The following PCDHA1 variants were observed in gnomAD, a reference collection of about 807,000 sequenced individuals.
PCDHA1 encodes the protein protocadherin alpha 1, also known as protocadherin alpha-1.
In PCDHA1, 42 loss-of-function variants were observed where a neutral mutation model predicts 61.3. That is an observed-to-expected ratio of 0.69 (90% confidence interval 0.54 to 0.89). The LOEUF is 0.89. Ranked by LOEUF, PCDHA1 falls within the 40% of genes least tolerant of loss-of-function variation. PCDHA1 has a pLI of 0.00. For synonymous variants in PCDHA1, 610 were observed against 553.8 expected (o/e 1.10, Z -1.43); for missense variants, 1,256 against 1,235.3 (o/e 1.02, Z -0.25).
At chr5:140,926,873 C>T in intron 1 of PCDHA1, 1 of 1,525,502 alleles carries the variant, frequency 6.6e-7, no homozygotes, top group Non-Finnish European at 8.8e-7. Context: ...GTTGGTGGAA[C>T]GTGGACGCCT....
intron 1 of PCDHA1, among the ~76,000 whole-genome samples, chr5:140,827,038 T>C (rs1400929432): frequency 2.6e-5 from 4 of 152,214 alleles, no homozygotes; most frequent in African/African-American, 9.6e-5. Context: ...AAAATTTGAA[T>C]TTGGGGATTA....
intron 1 of PCDHA1, among the ~76,000 whole-genome samples, chr5:140,892,166 A>G (rs2063413664): frequency 6.6e-6 from 1 of 152,228 alleles, no homozygotes; most frequent in Admixed American, 6.5e-5. Flanking sequence ...TATGTCCAGT[A>G]ACTGGGATCC....
At chr5:140,927,915 C>T (rs200890211) in intron 1 of PCDHA1, 7 of 1,614,120 alleles carry the variant, frequency 4.3e-6, no homozygotes, top group Admixed American at 3.3e-5. Context: ...CCGAACTGGA[C>T]TTCCTGACTC....
At chr5:140,922,863 G>A (rs1429324543) in intron 1 of PCDHA1, among the ~76,000 whole-genome samples, 10 of 152,160 alleles carry the variant, frequency 6.6e-5, no homozygotes, top group Admixed American at 5.2e-4. Context: ...ACATAGACAA[G>A]GGGAAAAAAT....
At chr5:141,000,421 AT>A (rs34755515) in intron 3 of PCDHA1, among the ~76,000 whole-genome samples, 491 of 27,806 alleles carry the variant, frequency 0.018, 4 homozygotes, top group South Asian at 0.021. Flanking sequence ...ATATATATAT[AT>A]TTTTTTTTTT....
intron 1 of PCDHA1, chr5:140,850,180 C>G: frequency 6.3e-7 from 1 of 1,593,798 alleles, no homozygotes; most frequent in African/African-American, 1.3e-5. Flanking sequence ...AACGACAATG[C>G]GCCGGCGCTG....
At chr5:140,843,709 C>T in intron 1 of PCDHA1, 1 of 1,574,864 alleles carries the variant, frequency 6.3e-7, no homozygotes, top group Non-Finnish European at 8.7e-7. Flanking sequence ...TTGATCATGG[C>T]CTCAAAGTAA....
At position 140,946,631 on chromosome 5, in the gene PCDHA1, T is replaced by TATATATATATATATATACAC. The variant is rs57893927; in HGVS notation, c.2395-32317_2395-32316insTATATATATATATATACACA. 2.9e-4 allele frequency among the ~76,000 whole-genome samples: 38 copies of TATATATATATATATATACAC among 131,846 alleles called. No individual in the cohort carries two copies. The East Asian group carries it at 4.9e-3, about 17-fold the overall frequency. The allele number at this position is 131,846 out of a possible 152,430, so 86.5% of individuals were successfully genotyped here. A position where few individuals can be genotyped will look rare whatever the true frequency, so the allele number is the denominator to read the frequency against. On this transcript the variant is annotated intron_variant, in intron 1 of 3. Transcript: ENST00000504120. ...TGTGAAATATATATATATATATATATACAATGGAATACTCATCAGCCATTA... is the reference window on the plus strand; with the variant it reads ...TGTGAAATATATATATATATATATATATATATATATATATATACACACAATGGAATACTCATCAGCCATTA...
rs139717123 is a variant in PCDHA1, at chr5:140,967,213, G to A, written c.2395-11736G>A. 8 of 1,613,598 alleles carry A rather than the reference G, an allele frequency of 5.0e-6. No individual in the cohort carries two copies. The African/African-American group carries it at 8.0e-5, about 16-fold the overall frequency. On this transcript the variant is annotated intron_variant, in intron 1 of 3. Coordinates refer to ENST00000504120, the MANE Select transcript of PCDHA1 (RefSeq NM_018900.4). ...TCAACGACAACTCACCGCGTTTCCC[G>A]CGGCCCAACTACCAGCTTCAGGTAA...
At chr5:140,830,327 GGGAGCT>G (rs1183196628) in intron 1 of PCDHA1, 2 of 1,613,914 alleles carry the variant, frequency 1.2e-6, no homozygotes, top group Non-Finnish European at 1.7e-6. Flanking sequence ...CAGCGCAGTG[GGGAGCT>G]GGTCGTACTC....
intron 1 of PCDHA1, chr5:140,869,866 G>A (rs1165429955): frequency 1.9e-6 from 3 of 1,610,400 alleles, no homozygotes; most frequent in Non-Finnish European, 1.7e-6. Flanking sequence ...TATGGAAAAT[G>A]CTGCTAAAGA....
At chr5:140,835,791 C>T in intron 1 of PCDHA1, 1 of 1,613,176 alleles carries the variant, frequency 6.2e-7, no homozygotes, top group Non-Finnish European at 8.5e-7. Flanking sequence ...GAACAACCCG[C>T]CGGGCTGCCA....
intron 1 of PCDHA1, chr5:140,834,206 C>G: frequency 1.6e-6 from 1 of 620,932 alleles, no homozygotes; most frequent in African/African-American, 1.8e-5. Flanking sequence ...ACCGCAAATT[C>G]TTTCGTAATC....
At chr5:140,850,520 G>T (rs782515896) in intron 1 of PCDHA1, 3 of 1,598,186 alleles carry the variant, frequency 1.9e-6, no homozygotes, top group South Asian at 1.1e-5. Context: ...GCGGCCAGGC[G>T]CCAAAGTCAT....
At chr5:140,843,775 A>T (rs2150366589) in intron 1 of PCDHA1, 2 of 1,450,698 alleles carry the variant, frequency 1.4e-6, no homozygotes, top group East Asian at 4.6e-5. Context: ...AGTTACTTTA[A>T]AAGTGTTTCA....
At chr5:140,869,718 T>C in intron 1 of PCDHA1, 1 of 1,613,408 alleles carries the variant, frequency 6.2e-7, no homozygotes, top group Non-Finnish European at 8.5e-7. Context: ...GAGAGAAAAC[T>C]CCGGAACTTA....
chr5:140,921,777 C>T (rs1434211783), intron 1 of PCDHA1, among the ~76,000 whole-genome samples: 1 of 152,030 alleles, frequency 6.6e-6, no homozygotes, highest in African/African-American at 2.4e-5. Context: ...TCAATACTGA[C>T]TTGGATGTTC....
chr5:140,939,811 A>G (rs1554212933), intron 1 of PCDHA1, among the ~76,000 whole-genome samples: 1 of 152,224 alleles, frequency 6.6e-6, no homozygotes, highest in African/African-American at 2.4e-5. Context: ...CATGTTCAAG[A>G]AAAAGCAGTA....
chr5:140,972,499 G>A (rs1398741603), intron 1 of PCDHA1, among the ~76,000 whole-genome samples: 3 of 151,888 alleles, frequency 2.0e-5, no homozygotes, highest in South Asian at 4.2e-4. Flanking sequence ...TAATCTGTTG[G>A]TAGATTTTAC....
Sources: gnomAD v4.1 joint callset for allele counts (sites outside exome capture counted in the v4.1 genomes callset) on GRCh38, gnomAD v4.1.1 for gene constraint, MANE v1.5 for transcripts, NCBI Gene and HGNC (gene_info 2026-07-23, HGNC 2026-07-21) for gene names.